Variants in NAV2 observed in about 807,000 individuals in gnomAD.
The protein encoded by NAV2 is helicase, APC down-regulated 1.
In NAV2, 54 loss-of-function variants were observed where a neutral mutation model predicts 223.2. The observed-to-expected ratio is 0.24, with a 90% CI of 0.19 to 0.30. The LOEUF (loss-of-function observed/expected upper bound fraction) is 0.30, where lower values mean the gene tolerates loss of function less well. NAV2 is among the 10% of genes least tolerant of loss of function. The pLI, the probability that NAV2 is intolerant of heterozygous loss-of-function variation, is 1.00. For missense variants in NAV2, 2,806 were observed against 3,147.5 expected (o/e 0.89, Z 2.60); for synonymous variants, 1,279 against 1,239.3 (o/e 1.03, Z -0.67).
intron 1 of NAV2, among the ~76,000 whole-genome samples, chr11:19,410,841 G>T (rs1420845350): frequency 2.6e-5 from 4 of 152,096 alleles, no homozygotes; most frequent in Non-Finnish European, 4.4e-5. Context: ...TTGGGTTCCA[G>T]GATCAATTGT....
intron 1 of NAV2, among the ~76,000 whole-genome samples, chr11:19,740,499 C>G (rs574118462): frequency 1.3e-5 from 2 of 152,078 alleles, no homozygotes; most frequent in African/African-American, 2.4e-5. Flanking sequence ...CTTCTCTCCA[C>G]TATTATCCTG....
chr11:19,425,396 C>T (rs1415836953), intron 1 of NAV2, among the ~76,000 whole-genome samples: 2 of 152,158 alleles, frequency 1.3e-5, no homozygotes, highest in East Asian at 3.8e-4. Flanking sequence ...TCATGAATGC[C>T]TTTTCCTTCT....
intron 6 of NAV2, 115 bp downstream of exon 6, chr11:19,892,709 G>A (rs371577925): frequency 4.4e-5 from 48 of 1,102,966 alleles, no homozygotes; most frequent in East Asian, 4.3e-4. Context: ...TGTTGAGAAT[G>A]AGTTACAAGG....
chr11:19,364,017 T>A (rs1854115941), intron 1 of NAV2, among the ~76,000 whole-genome samples: 4 of 152,056 alleles, frequency 2.6e-5, no homozygotes, highest in Non-Finnish European at 4.4e-5. Context: ...TATGGAAGTT[T>A]CACAACACAG....
chr11:19,430,696 A>G (rs1024414267), intron 1 of NAV2, among the ~76,000 whole-genome samples: 1 of 149,150 alleles, frequency 6.7e-6, no homozygotes, highest in African/African-American at 2.4e-5. Flanking sequence ...CTCTGCACAC[A>G]TCCAGTTAAG....
chr11:20,049,827 G>T lies in NAV2; in HGVS notation c.4371-9G>T, dbSNP rs1277906636. ...CCTTCTCTTGTTTTCTACCTGCCTG[G>T]ACTTCTAGCCCTCTCTCTTCCCCTG... On this transcript the variant is annotated splice_polypyrimidine_tract_variant and intron_variant, in intron 15 of 37. Coordinates refer to ENST00000349880, the MANE Select transcript of NAV2 (RefSeq NM_145117.5). The T allele has an allele frequency of 1.2e-6, 2 of 1,613,840 alleles. No individual in the cohort carries two copies. Among genetic ancestry groups the T allele is most frequent in the East Asian group, 4.5e-5 (2 of 44,858 alleles).
chr11:19,575,405 G>C (rs2045543799), intron 1 of NAV2: 2 of 154,216 alleles, frequency 1.3e-5, no homozygotes. Flanking sequence ...TTCTAAGCCT[G>C]GGCTCCTACA....
intron 29 of NAV2, among the ~76,000 whole-genome samples, chr11:20,095,271 A>G (rs951787296): frequency 2.0e-5 from 3 of 152,206 alleles, no homozygotes; most frequent in African/African-American, 7.2e-5. Flanking sequence ...GAAGCAATTT[A>G]AGCTCTGAGC....
intron 36 of NAV2, among the ~76,000 whole-genome samples, chr11:20,109,700 G>T (rs553770344): frequency 6.6e-6 from 1 of 152,334 alleles, no homozygotes; most frequent in East Asian, 1.9e-4. Flanking sequence ...AGATGAGGTG[G>T]ACTGTTTGCC....
chr11:19,668,161 C>T (rs1248618417), intron 1 of NAV2, among the ~76,000 whole-genome samples: 1 of 152,154 alleles, frequency 6.6e-6, no homozygotes, highest in Non-Finnish European at 1.5e-5. Context: ...GGAAATGTTA[C>T]AAAAGAGAAC....
intron 8 of NAV2, among the ~76,000 whole-genome samples, chr11:19,940,987 T>C (rs1048266264): frequency 6.6e-6 from 1 of 152,114 alleles, no homozygotes; most frequent in Non-Finnish European, 1.5e-5. Flanking sequence ...ACATTCCAGA[T>C]TGTGTTCTGA....
intron 1 of NAV2, among the ~76,000 whole-genome samples, chr11:19,465,284 G>A (rs1355118258): frequency 6.6e-6 from 1 of 152,224 alleles, no homozygotes; most frequent in Non-Finnish European, 1.5e-5. Flanking sequence ...CCCCCTGCTA[G>A]AGGAGAGGAC....
chr11:19,873,194 T>A (rs1290898610), intron 4 of NAV2, among the ~76,000 whole-genome samples: 1 of 152,192 alleles, frequency 6.6e-6, no homozygotes, highest in African/African-American at 2.4e-5. Context: ...GGCCCAGTGC[T>A]AGGCACTAGG....
At chr11:20,109,024 G>A (rs1430645632) in intron 36 of NAV2, among the ~76,000 whole-genome samples, 3 of 152,214 alleles carry the variant, frequency 2.0e-5, no homozygotes, top group Non-Finnish European at 2.9e-5. Flanking sequence ...TGTGGAGGGT[G>A]CAGGGACTGG....
chr11:19,988,851 C>T (rs1565711165), intron 11 of NAV2, among the ~76,000 whole-genome samples: 1 of 152,192 alleles, frequency 6.6e-6, no homozygotes, highest in African/African-American at 2.4e-5. Flanking sequence ...CTTTGTGATT[C>T]ATATGGAACA....
intron 1 of NAV2, among the ~76,000 whole-genome samples, chr11:19,560,221 G>A (rs997850815): frequency 2.6e-5 from 4 of 152,152 alleles, no homozygotes; most frequent in African/African-American, 9.7e-5. Context: ...AAAAGAGTAA[G>A]GATGTGCTTC....
chr11:19,572,588 G>A (rs906150491), intron 1 of NAV2, among the ~76,000 whole-genome samples: 1 of 152,160 alleles, frequency 6.6e-6, no homozygotes. Context: ...GGGCAACCCC[G>A]TCTTGTTAGT....
At chr11:20,033,647 C>T (rs984736534) in intron 11 of NAV2, among the ~76,000 whole-genome samples, 5 of 152,186 alleles carry the variant, frequency 3.3e-5, no homozygotes, top group Non-Finnish European at 5.9e-5. Context: ...TCACATTCCC[C>T]TGCATTTCTG....
At chr11:19,602,040 G>A (rs1041774710) in intron 1 of NAV2, among the ~76,000 whole-genome samples, 2 of 152,236 alleles carry the variant, frequency 1.3e-5, no homozygotes, top group African/African-American at 4.8e-5. Context: ...GTGACACTCT[G>A]ATTGGCCCAG....
Sources: gnomAD v4.1 joint callset for allele counts (sites outside exome capture counted in the v4.1 genomes callset) on GRCh38, gnomAD v4.1.1 for gene constraint, MANE v1.5 for transcripts, NCBI Gene and HGNC (gene_info 2026-07-23, HGNC 2026-07-21) for gene names.